Variants in RIT2 observed in about 807,000 individuals in gnomAD.
The protein encoded by RIT2 is Ras like without CAAX 2.
In RIT2, 24 loss-of-function variants were observed where a neutral mutation model predicts 23.7. That is an observed-to-expected ratio of 1.01 (90% CI 0.73 to 1.43). RIT2 has a LOEUF of 1.43. RIT2 is among the 40% of genes most tolerant of loss of function. The pLI, the probability that RIT2 is intolerant of heterozygous loss-of-function variation, is 0.00. For missense variants in RIT2, 236 were observed against 266.9 expected, an observed-to-expected ratio of 0.88 and a Z score of 0.81; for synonymous variants, 107 against 91.1, an observed-to-expected ratio of 1.17 and a Z score of -0.99.
intron 4 of RIT2, among the ~76,000 whole-genome samples, chr18:42,750,341 A>C (rs191388497): frequency 6.6e-6 from 1 of 151,952 alleles, no homozygotes; most frequent in Admixed American, 6.6e-5. Flanking sequence ...CACCTTTAAT[A>C]ATCTTCCATT....
At chr18:42,847,037 C>T (rs145277186) in intron 4 of RIT2, among the ~76,000 whole-genome samples, 325 of 152,158 alleles carry the variant, frequency 2.1e-3, no homozygotes, top group Non-Finnish European at 3.8e-3. Flanking sequence ...GCCTCTTTCT[C>T]CTCCAAATTC....
At chr18:43,065,218 G>GTTT (rs58941113) in intron 1 of RIT2, among the ~76,000 whole-genome samples, 13 of 81,638 alleles carry the variant, frequency 1.6e-4, no homozygotes, top group East Asian at 6.9e-4. Flanking sequence ...ACTTTTTTGG[G>GTTT]TTTTTTTTTT....
chr18:42,833,339 G>T (rs971361246), intron 4 of RIT2, among the ~76,000 whole-genome samples: 1 of 152,000 alleles, frequency 6.6e-6, no homozygotes, highest in Non-Finnish European at 1.5e-5. Flanking sequence ...TGGCTAAATC[G>T]TATTCCATTC....
intron 1 of RIT2, among the ~76,000 whole-genome samples, chr18:43,063,049 A>G (rs1912688637): frequency 6.6e-6 from 1 of 152,164 alleles, no homozygotes. Context: ...CTTGAGGGTT[A>G]TAACCAGAGA....
intron 3 of RIT2, among the ~76,000 whole-genome samples, chr18:42,953,412 G>C (rs1027554050): frequency 1.3e-5 from 2 of 152,118 alleles, no homozygotes; most frequent in Non-Finnish European, 1.5e-5. Flanking sequence ...CCCTAAAAGT[G>C]AGTGATACAG....
intron 3 of RIT2, among the ~76,000 whole-genome samples, chr18:42,949,465 A>T (rs1343758425): frequency 6.6e-6 from 1 of 152,124 alleles, no homozygotes; most frequent in African/African-American, 2.4e-5. Flanking sequence ...GGCTACAAAG[A>T]TCAATAACAG....
chr18:43,082,459 A>T (rs1913179909), intron 1 of RIT2, among the ~76,000 whole-genome samples: 1 of 152,152 alleles, frequency 6.6e-6, no homozygotes, highest in Non-Finnish European at 1.5e-5. Flanking sequence ...TCCCTGATGA[A>T]CATCGATGTG....
At chr18:42,820,512 A>G (rs888644874) in intron 4 of RIT2, among the ~76,000 whole-genome samples, 3 of 152,140 alleles carry the variant, frequency 2.0e-5, no homozygotes, top group African/African-American at 4.8e-5. Context: ...GATTCAGCCA[A>G]TGTGGAACCG....
intron 2 of RIT2, among the ~76,000 whole-genome samples, chr18:42,989,957 CAT>C (rs1260905790): frequency 6.6e-6 from 1 of 151,814 alleles, no homozygotes; most frequent in African/African-American, 2.4e-5. Context: ...TACACACACA[CAT>C]ATATTATGTA....
chr18:42,945,559 T>G (rs1909709243), intron 3 of RIT2, among the ~76,000 whole-genome samples: 2 of 152,262 alleles, frequency 1.3e-5, no homozygotes, highest in African/African-American at 2.4e-5. Context: ...ATGGGTGGTG[T>G]TGTTGAGTGT....
intron 4 of RIT2, among the ~76,000 whole-genome samples, chr18:42,821,557 C>G (rs138678172): frequency 3.3e-5 from 5 of 151,934 alleles, no homozygotes; most frequent in African/African-American, 1.2e-4. Flanking sequence ...GAGGAGGCAC[C>G]GGAGATGCTA....
chr18:42,769,575 G>A (rs1555636376), intron 4 of RIT2, among the ~76,000 whole-genome samples: 1 of 151,930 alleles, frequency 6.6e-6, no homozygotes, highest in Non-Finnish European at 1.5e-5. Context: ...AAACATAAAT[G>A]TTTTAAAATA....
intron 4 of RIT2, among the ~76,000 whole-genome samples, chr18:42,922,384 A>G (rs554186450): frequency 1.3e-5 from 2 of 152,306 alleles, no homozygotes; most frequent in East Asian, 3.9e-4. Context: ...ACAATAAATC[A>G]TTAGCTGGAA....
rs1035101510 is a variant in RIT2 at position 43,037,965 on chromosome 18, G to C, written c.104-4098C>G. 2.0e-5 allele frequency among the ~76,000 whole-genome samples: 3 copies of C among 152,146 alleles called. No individual in the cohort carries two copies. The East Asian group carries it at 5.8e-4, about 29-fold the overall frequency. ...CATGCCTGTAATCCCAGTACTTTGA[G>C]AGGCCAAGGCGGGCGGATCACGAGG... On this transcript the variant is annotated intron_variant, in intron 1 of 4. Transcript: ENST00000326695.
intron 2 of RIT2, among the ~76,000 whole-genome samples, chr18:42,994,593 C>T (rs1161619757): frequency 6.6e-6 from 1 of 152,100 alleles, no homozygotes; most frequent in East Asian, 1.9e-4. Flanking sequence ...CTCCCTGACT[C>T]ATCCCAACCC....
At chr18:42,761,740 C>T (rs1480610480) in intron 4 of RIT2, among the ~76,000 whole-genome samples, 2 of 152,124 alleles carry the variant, frequency 1.3e-5, no homozygotes, top group African/African-American at 2.4e-5. Context: ...TGCAGTGGCA[C>T]GATCTTGGCT....
chr18:42,893,225 CAAAAA>C (rs57140473), intron 4 of RIT2, among the ~76,000 whole-genome samples: 9 of 112,272 alleles, frequency 8.0e-5, no homozygotes, highest in Non-Finnish European at 7.7e-5. Flanking sequence ...GACTCCGTCT[CAAAAA>C]AAAAAAAAAA....
chr18:42,951,022 A>G (rs1909839700), intron 3 of RIT2, among the ~76,000 whole-genome samples: 3 of 152,108 alleles, frequency 2.0e-5, no homozygotes, highest in Admixed American at 1.3e-4. Context: ...TTTCTCAGAG[A>G]ACTTAATGCA....
intron 3 of RIT2, among the ~76,000 whole-genome samples, chr18:42,955,305 A>G (rs540499704): frequency 6.6e-6 from 1 of 152,292 alleles, no homozygotes; most frequent in South Asian, 2.1e-4. Flanking sequence ...CAGATATAAT[A>G]ATTAACAGGT....
Sources: allele counts gnomAD v4.1 joint callset (sites outside exome capture counted in the v4.1 genomes callset), GRCh38; gene constraint gnomAD v4.1.1; transcripts MANE v1.5; gene names NCBI Gene and HGNC (gene_info 2026-07-23, HGNC 2026-07-21).